The following SLC26A7 variants were observed in gnomAD, a reference collection of about 807,000 sequenced individuals.
SLC26A7 encodes the protein solute carrier family 26 member 7.
SLC26A7 carries 59 observed loss-of-function variants against 82.5 expected under a neutral mutation model. The observed-to-expected ratio is 0.72, with a 90% CI of 0.58 to 0.89. SLC26A7 has a LOEUF of 0.89. Among genes scored for constraint, SLC26A7 ranks in the 40% least tolerant of loss-of-function variants. The pLI is 0.00. For synonymous variants in SLC26A7, 271 were observed against 274.3 expected (o/e 0.99, Z 0.12); for missense variants, 820 against 793.0 (o/e 1.03, Z -0.41).
intron 11 of SLC26A7, among the ~76,000 whole-genome samples, chr8:91,357,768 C>T (rs1813913934): frequency 6.6e-6 from 1 of 152,238 alleles, no homozygotes; most frequent in African/African-American, 2.4e-5. Flanking sequence ...TGGGATCTAA[C>T]TAAACTAAAG....
At chr8:91,288,507 A>T (rs1347134270) in intron 2 of SLC26A7, among the ~76,000 whole-genome samples, 1 of 152,184 alleles carries the variant, frequency 6.6e-6, no homozygotes, top group African/African-American at 2.4e-5. Flanking sequence ...ATTATTTCTT[A>T]CTCCTTGAGT....
At chr8:91,275,416 C>A (rs35860293) in intron 2 of SLC26A7, among the ~76,000 whole-genome samples, 13,099 of 152,132 alleles carry the variant, frequency 0.086, 834 homozygotes, top group African/African-American at 0.18. Context: ...CTCCCACTTC[C>A]GTCTCCTGAG....
intron 2 of SLC26A7, among the ~76,000 whole-genome samples, chr8:91,221,913 T>A (rs1810166087): frequency 1.3e-5 from 2 of 152,178 alleles, no homozygotes; most frequent in African/African-American, 4.8e-5. Flanking sequence ...GTGAAGAATG[T>A]CAATGGTAGT....
intron 15 of SLC26A7, among the ~76,000 whole-genome samples, chr8:91,379,280 A>G (rs1365002665): frequency 6.6e-6 from 1 of 152,122 alleles, no homozygotes; most frequent in African/African-American, 2.4e-5. Flanking sequence ...TATCAAGTAA[A>G]GTTACAATAG....
intron 2 of SLC26A7, among the ~76,000 whole-genome samples, chr8:91,224,830 C>T (rs1459313904): frequency 6.6e-6 from 1 of 152,206 alleles, no homozygotes; most frequent in Non-Finnish European, 1.5e-5. Flanking sequence ...AGCCACCCCT[C>T]CCGAGGAGCT....
intron 4 of SLC26A7, among the ~76,000 whole-genome samples, chr8:91,309,726 G>A (rs1370882689): frequency 2.6e-5 from 4 of 152,100 alleles, no homozygotes; most frequent in Admixed American, 1.3e-4. Flanking sequence ...GAGAGACCAA[G>A]TGCACTATTT....
intron 15 of SLC26A7, among the ~76,000 whole-genome samples, chr8:91,375,818 A>T (rs1814500374): frequency 6.6e-6 from 1 of 152,038 alleles, no homozygotes; most frequent in Admixed American, 6.5e-5. Flanking sequence ...ATTATTTGCT[A>T]AAATGTGTTT....
At chr8:91,290,308 T>C (rs1811829641) in intron 3 of SLC26A7, among the ~76,000 whole-genome samples, 1 of 152,174 alleles carries the variant, frequency 6.6e-6, no homozygotes, top group Non-Finnish European at 1.5e-5. Context: ...CAAATTACCA[T>C]AAGTTTGGTG....
intron 2 of SLC26A7, among the ~76,000 whole-genome samples, chr8:91,254,383 T>G (rs1810744356): frequency 6.6e-6 from 1 of 152,152 alleles, no homozygotes; most frequent in African/African-American, 2.4e-5. Context: ...TTGTTTCCCC[T>G]GCCAAGACAC....
intron 15 of SLC26A7, among the ~76,000 whole-genome samples, chr8:91,375,929 A>G (rs1368501067): frequency 6.6e-6 from 1 of 151,914 alleles, no homozygotes; most frequent in East Asian, 1.9e-4. Flanking sequence ...GCTTTGTTTG[A>G]TTTTTAAAAT....
chr8:91,394,338 T>C (rs905580589), intron 18 of SLC26A7: 4 of 1,604,692 alleles, frequency 2.5e-6, no homozygotes, highest in Admixed American at 3.4e-5. Flanking sequence ...TCTTCCAGGA[T>C]CTACTGTCCT....
At chr8:91,223,629 T>C (rs1199123602) in intron 2 of SLC26A7, among the ~76,000 whole-genome samples, 2 of 152,198 alleles carry the variant, frequency 1.3e-5, no homozygotes, top group Non-Finnish European at 2.9e-5. Context: ...CCTTTGACCT[T>C]GGAGAATCTG....
intron 2 of SLC26A7, among the ~76,000 whole-genome samples, chr8:91,255,768 C>T (rs1810784856): frequency 6.6e-6 from 1 of 152,036 alleles, no homozygotes; most frequent in Admixed American, 6.6e-5. Context: ...TTAAAGGACC[C>T]TGTATTTATT....
At chr8:91,253,988 A>G (rs1810732489) in intron 2 of SLC26A7, among the ~76,000 whole-genome samples, 1 of 152,132 alleles carries the variant, frequency 6.6e-6, no homozygotes. Flanking sequence ...TTATATAAAT[A>G]AATGTAATAA....
At chr8:91,274,017 G>A (rs13258354) in intron 2 of SLC26A7, among the ~76,000 whole-genome samples, 9,637 of 152,106 alleles carry the variant, frequency 0.063, 365 homozygotes, top group African/African-American at 0.098. Context: ...TTTAACTTTG[G>A]ATGTATCACT....
At position 91,343,419 on chromosome 8, in the gene SLC26A7, G is replaced by T. The variant is rs1376899484; in HGVS notation, c.1093G>T (p.Ala365Ser). Residue 365 changes from alanine to serine, a missense_variant, in exon 9 of 19, where the codon GCC (alanine) becomes TCC (serine). Physicochemically the swap from Ala to Ser is moderately conservative, Grantham distance 99. Transcript: ENST00000276609. Reference protein sequence around the residue: ...SFFFCIPSAAAMGRTAGLYST... With the variant: ...SFFFCIPSAASMGRTAGLYST... ...TTTCTTCTGCATACCAAGTGCTGCT[G>T]CCATGGGAAGGACGGCTGGCCTGTA... 6.2e-6 allele frequency: 10 copies of T among 1,612,988 alleles called. No individual in the cohort carries two copies. Among genetic ancestry groups the T allele is most frequent in the Non-Finnish European group, 8.5e-6 (10 of 1,179,878 alleles).
chr8:91,374,114 CT>C (rs375131065), intron 15 of SLC26A7, among the ~76,000 whole-genome samples: 4 of 151,576 alleles, frequency 2.6e-5, no homozygotes, highest in South Asian at 4.2e-4. Flanking sequence ...AATCTTCTCT[CT>C]TTTTTTTCTT....
At chr8:91,212,390 G>A (rs549424077) in intron 1 of SLC26A7, among the ~76,000 whole-genome samples, 57 of 152,114 alleles carry the variant, frequency 3.7e-4, no homozygotes, top group Non-Finnish European at 7.2e-4. Context: ...GGAATGGTTT[G>A]GAACATGAAC....
At chr8:91,254,545 A>G (rs1035635868) in intron 2 of SLC26A7, among the ~76,000 whole-genome samples, 2 of 152,118 alleles carry the variant, frequency 1.3e-5, no homozygotes, top group Non-Finnish European at 2.9e-5. Context: ...TCACTTCTTT[A>G]TAATCATATG....
Sources: allele counts gnomAD v4.1 joint callset (sites outside exome capture counted in the v4.1 genomes callset), GRCh38; gene constraint gnomAD v4.1.1; transcripts MANE v1.5; gene names NCBI Gene and HGNC (gene_info 2026-07-23, HGNC 2026-07-21).